Variants in RARB observed in about 807,000 individuals in gnomAD.
RARB encodes retinoic acid receptor beta, also known as HBV-activated protein.
Under a neutral mutation model 51.9 loss-of-function variants are expected in RARB, and 17 were observed. The observed-to-expected ratio is 0.33, with a 90% confidence interval of 0.22 to 0.49. RARB has a LOEUF of 0.49. RARB is among the 20% of genes least tolerant of loss of function. The probability of loss-of-function intolerance (pLI) is 0.99; values close to 1 mark genes in which losing one functional copy is unlikely to be tolerated. For missense variants in RARB, 369 were observed against 550.8 expected, an observed-to-expected ratio of 0.67 and a Z score of 3.30; for synonymous variants, 215 against 195.4, an observed-to-expected ratio of 1.10 and a Z score of -0.84.
chr3:25,139,157 C>CA (rs1474762168), intron 4 of RARB, among the ~76,000 whole-genome samples: 1 of 151,986 alleles, frequency 6.6e-6, no homozygotes, highest in Non-Finnish European at 1.5e-5. Flanking sequence ...TGAGACACAA[C>CA]AATACTGAAA....
At chr3:24,927,195 G>T (rs1014836315) in intron 2 of RARB, among the ~76,000 whole-genome samples, 1 of 151,882 alleles carries the variant, frequency 6.6e-6, no homozygotes, top group African/African-American at 2.4e-5. Context: ...AGTAAAACTC[G>T]TAGATTTGCA....
chr3:25,172,928 T>A (rs567602502), intron 4 of RARB, among the ~76,000 whole-genome samples: 1 of 152,324 alleles, frequency 6.6e-6, no homozygotes, highest in African/African-American at 2.4e-5. Context: ...GGACAAATAA[T>A]TGCCAGAGGG....
chr3:25,281,144 T>C (rs1312696040), intron 5 of RARB, among the ~76,000 whole-genome samples: 1 of 152,200 alleles, frequency 6.6e-6, no homozygotes. Flanking sequence ...ACTGGAATCC[T>C]GGGCAGTATT....
At chr3:24,983,545 C>T (rs1269062335) in intron 2 of RARB, among the ~76,000 whole-genome samples, 1 of 152,054 alleles carries the variant, frequency 6.6e-6, no homozygotes, top group Non-Finnish European at 1.5e-5. Flanking sequence ...CCCCCTACCC[C>T]CTGACAGGTC....
At chr3:25,120,746 C>T (rs184033066) in intron 3 of RARB, among the ~76,000 whole-genome samples, 4 of 152,254 alleles carry the variant, frequency 2.6e-5, no homozygotes, top group Admixed American at 6.5e-5. Context: ...GAATGACCTA[C>T]GGAGACTTCA....
chr3:24,913,587 T>C (rs930923436), intron 2 of RARB, among the ~76,000 whole-genome samples: 1 of 152,136 alleles, frequency 6.6e-6, no homozygotes, highest in Non-Finnish European at 1.5e-5. Flanking sequence ...AAAAATGGGT[T>C]CCTACTTGTA....
intron 3 of RARB, among the ~76,000 whole-genome samples, chr3:25,124,942 C>T (rs142178409): frequency 2.6e-5 from 4 of 152,202 alleles, no homozygotes; most frequent in Admixed American, 6.5e-5. Flanking sequence ...TAGAAGAAGG[C>T]AAGTGATTTT....
At position 25,070,178 on chromosome 3, in the gene RARB, GTC is replaced by G. The variant is rs1698740764; in HGVS notation, c.-328+10006_-328+10007del. Among the ~76,000 whole-genome samples, 3 of 152,174 alleles carry G rather than the reference GTC, an allele frequency of 2.0e-5. 1 individual carries two copies. The South Asian group carries it at 6.2e-4, about 32-fold the overall frequency. On this transcript the variant is annotated intron_variant, in intron 3 of 11. Transcript: ENST00000383772. ...CCAGCGCATGGCGTTCTCCCTGTGT[GTC>G]TCTGTCTTTGCATGGCTCTTATTAT... is the stretch of plus-strand genomic sequence containing the variant.
intron 1 of RARB, among the ~76,000 whole-genome samples, chr3:25,445,626 C>T (rs9870744): frequency 0.31 from 47,602 of 151,794 alleles, 9,172 homozygotes; most frequent in African/African-American, 0.54. Context: ...GAGGTCGCGC[C>T]ACTGCACTCC....
intron 3 of RARB, among the ~76,000 whole-genome samples, chr3:25,086,602 G>C (rs552818476): frequency 6.6e-6 from 1 of 152,078 alleles, no homozygotes; most frequent in Non-Finnish European, 1.5e-5. Flanking sequence ...GTTACAGCTT[G>C]GTTTTATGTG....
intron 5 of RARB, among the ~76,000 whole-genome samples, chr3:25,365,199 CTTTTTTTTT>C (rs3035063): frequency 4.0e-5 from 3 of 75,456 alleles, no homozygotes; most frequent in Admixed American, 1.8e-4. Context: ...TTCTTTCTTT[CTTTTTTTTT>C]TTTTTTTTTT....
chr3:25,538,922 A>G (rs1011191503), intron 3 of RARB, among the ~76,000 whole-genome samples: 3 of 152,364 alleles, frequency 2.0e-5, no homozygotes, highest in Middle Eastern at 3.4e-3. Flanking sequence ...CCTCTTACCC[A>G]CAGCCAGCAT....
intron 3 of RARB, among the ~76,000 whole-genome samples, chr3:25,086,443 T>G (rs904465572): frequency 6.6e-6 from 1 of 152,134 alleles, no homozygotes. Context: ...TCAGAAAAAT[T>G]TTTTAACTTA....
chr3:25,305,407 G>T (rs769041091), intron 5 of RARB, among the ~76,000 whole-genome samples: 1 of 152,224 alleles, frequency 6.6e-6, no homozygotes, highest in South Asian at 2.1e-4. Context: ...TGAAGATTAC[G>T]TCAAATATAT....
chr3:24,904,620 T>C (rs1694809148), intron 2 of RARB, among the ~76,000 whole-genome samples: 1 of 152,192 alleles, frequency 6.6e-6, no homozygotes, highest in Non-Finnish European at 1.5e-5. Flanking sequence ...CTCAAGGATA[T>C]AGAACTAGAA....
chr3:25,553,033 G>A (rs1438320096), intron 3 of RARB, among the ~76,000 whole-genome samples: 4 of 152,146 alleles, frequency 2.6e-5, no homozygotes, highest in African/African-American at 4.8e-5. Context: ...GATATCCTAC[G>A]AAGGAAGACG....
At chr3:25,099,743 T>TTTTTCGG (rs1183075067) in intron 3 of RARB, among the ~76,000 whole-genome samples, 1 of 152,150 alleles carries the variant, frequency 6.6e-6, no homozygotes, top group Admixed American at 6.6e-5. Context: ...TTTGCTGTCC[T>TTTTTCGG]TTTTCGGTTT....
intron 3 of RARB, among the ~76,000 whole-genome samples, chr3:25,074,152 C>T (rs1324151311): frequency 6.6e-6 from 1 of 152,184 alleles, no homozygotes; most frequent in Non-Finnish European, 1.5e-5. Flanking sequence ...GTTTTCAATT[C>T]ATAATTTATC....
intron 2 of RARB, among the ~76,000 whole-genome samples, chr3:24,960,232 T>A (rs957070579): frequency 9.2e-5 from 14 of 152,228 alleles, no homozygotes; most frequent in Admixed American, 4.6e-4. Context: ...CATCTTTGAA[T>A]ATCAGATGGT....
Sources: gnomAD v4.1 joint callset for allele counts (sites outside exome capture counted in the v4.1 genomes callset) on GRCh38, gnomAD v4.1.1 for gene constraint, MANE v1.5 for transcripts, NCBI Gene and HGNC (gene_info 2026-07-23, HGNC 2026-07-21) for gene names.